The following NMT1 variants were observed in gnomAD, a reference collection of about 807,000 sequenced individuals.
The protein encoded by NMT1 is N-myristoyltransferase 1.
NMT1 carries 12 observed loss-of-function variants against 63.4 expected under a neutral mutation model. The ratio of observed to expected loss-of-function variants is 0.19; its 90% confidence interval spans 0.12 to 0.31. The LOEUF (loss-of-function observed/expected upper bound fraction) is 0.31, where lower values mean the gene tolerates loss of function less well. Ranked by LOEUF, NMT1 falls within the 10% of genes least tolerant of loss-of-function variation. The pLI, the probability that NMT1 is intolerant of heterozygous loss-of-function variation, is 1.00. For missense variants in NMT1, 432 were observed against 634.6 expected (o/e 0.68, Z 3.43); for synonymous variants, 228 against 234.3 (o/e 0.97, Z 0.25).
intron 1 of NMT1, among the ~76,000 whole-genome samples, chr17:45,078,947 C>G (rs949243192): frequency 1.3e-5 from 2 of 151,800 alleles, no homozygotes; most frequent in Non-Finnish European, 2.9e-5. Context: ...ACAGGCATGA[C>G]CCACCATGCT....
rs139928454 is a variant in NMT1, at chr17:45,103,914, G to C, written c.1332+38G>C. The C allele has an allele frequency of 6.2e-7, 1 of 1,610,294 alleles. No homozygotes were observed. Among genetic ancestry groups the C allele is most frequent in the East Asian group, 2.2e-5 (1 of 44,868 alleles). On this transcript the variant is annotated intron_variant, in intron 10 of 11. Transcript: ENST00000258960. The surrounding 1 kb of genome is among the most constrained non-coding windows in gnomAD (Gnocchi z 4.8). ...CGGGGGGGTCTCTGGAGATGTGCAG[G>C]GAAGAGGCAGTGGAGCCATGGTGAG...
chr17:45,093,802 T>C lies in NMT1; in HGVS notation c.503T>C (p.Val168Ala). The C allele has an allele frequency of 6.2e-7, 1 of 1,613,280 alleles. No homozygotes were observed. Among genetic ancestry groups the C allele is most frequent in the African/African-American group, 1.3e-5 (1 of 75,044 alleles). The stretch of plus-strand genomic sequence containing the variant: ...GCTTTGGACCTGGGCGATCGTGGTG[T>C]GGTGAGTGGGCCCTCAGAAGGTTAC... ...WDALDLGDRG[V>A]LKELYTLLNE... The change falls in exon 4 of 12, where the codon GTG becomes GCG. Residue 168 changes from valine (V) to alanine (A), a missense_variant and splice_region_variant. Physicochemically the swap from Val to Ala is moderately conservative, Grantham distance 64. Transcript: ENST00000258960.
chr17:45,069,317 A>T (rs1196943348), intron 1 of NMT1, among the ~76,000 whole-genome samples: 1 of 125,920 alleles, frequency 7.9e-6, no homozygotes, highest in Non-Finnish European at 1.8e-5. Flanking sequence ...TTTGAGACAG[A>T]GTCTCGCTCT....
intron 1 of NMT1, among the ~76,000 whole-genome samples, chr17:45,081,417 T>C (rs2054016464): frequency 6.6e-6 from 1 of 152,112 alleles, no homozygotes. Flanking sequence ...TTCACACAAA[T>C]AGGACATCCC....
rs904642686 is a variant in NMT1, at chr17:45,104,191, C to T, written c.1332+315C>T. On this transcript the variant is annotated intron_variant, in intron 10 of 11. Coordinates refer to ENST00000258960, the MANE Select transcript of NMT1 (RefSeq NM_021079.5). The surrounding 1 kb of genome is among the most constrained non-coding windows in gnomAD (Gnocchi z 4.2). ...ACAGGGCTTCTCCTCACAGCTTTCCCAGCGTGGGAAAGGGGTGATTGCTGT... is the reference window on the plus strand; with the variant it reads ...ACAGGGCTTCTCCTCACAGCTTTCCTAGCGTGGGAAAGGGGTGATTGCTGT... The T allele has an allele frequency of 2.4e-6, 3 of 1,266,064 alleles. No homozygotes were observed. Among genetic ancestry groups the T allele is most frequent in the Non-Finnish European group, 2.0e-6 (2 of 991,968 alleles). The allele number at this position is 1,266,064 out of a possible 1,614,324, so 78.4% of individuals were successfully genotyped here. A position where few individuals can be genotyped will look rare whatever the true frequency, so the allele number is the denominator to read the frequency against.
In NMT1 at chr17:45,105,869, C is replaced by CA. The variant is rs2054200018; in HGVS notation, c.*231dup. 1 of 531,058 alleles carries CA rather than the reference C, an allele frequency of 1.9e-6. No individual in the cohort carries two copies. Among genetic ancestry groups the CA allele is most frequent in the Non-Finnish European group, 3.3e-6 (1 of 303,940 alleles). 32.9% of individuals were successfully genotyped at this position (531,058 alleles called of 1,614,324 possible). A position where few individuals can be genotyped will look rare whatever the true frequency, so the allele number is the denominator to read the frequency against. ...GGTCTCCGTGTTTTCCAGTTAATTA[C>CA]ATCCTCATGCAGCCGTGATCAAGGG... On this transcript the variant is annotated 3_prime_UTR_variant, in exon 12 of 12. Transcript: ENST00000258960. The surrounding 1 kb of genome is among the most constrained non-coding windows in gnomAD (Gnocchi z 4.2).
At chr17:45,078,509 C>A (rs1167668764) in intron 1 of NMT1, among the ~76,000 whole-genome samples, 1 of 152,068 alleles carries the variant, frequency 6.6e-6, no homozygotes, top group Non-Finnish European at 1.5e-5. Flanking sequence ...TACACAGTAT[C>A]TGTCTGTGAG....
At chr17:45,071,856 C>T (rs1182773007) in intron 1 of NMT1, among the ~76,000 whole-genome samples, 1 of 152,182 alleles carries the variant, frequency 6.6e-6, no homozygotes, top group Non-Finnish European at 1.5e-5. Context: ...GCCTCAGCTT[C>T]CTCAGTAGCT....
chr17:45,099,595 G>T, intron 8 of NMT1, 82 bp downstream of exon 8: 1 of 969,566 alleles, frequency 1.0e-6, no homozygotes, highest in South Asian at 1.3e-5. Flanking sequence ...AAGGGCTCTG[G>T]GTGGAGAGGG....
At position 45,103,749 on chromosome 17, in the gene NMT1, C is replaced by T. The variant is rs773052955; in HGVS notation, c.1205C>T (p.Thr402Met). Reference protein sequence around the residue: ...GEVTDFLSFYTLPSTIMNHPT... With the variant: ...GEVTDFLSFYMLPSTIMNHPT... The stretch of plus-strand genomic sequence containing the variant: ...GTGACAGATTTCCTGAGCTTTTATA[C>T]GCTGCCCTCCACCATCATGAACCAT... The change falls in exon 10 of 12, where the codon ACG becomes ATG. Residue 402 changes from threonine to methionine, a missense_variant. This residue lies in a region of NMT1 where 295 missense variants were observed against 489.7 expected (regional missense o/e 0.60). Coordinates refer to ENST00000258960, the MANE Select transcript of NMT1 (RefSeq NM_021079.5). The surrounding 1 kb of genome is among the most constrained non-coding windows in gnomAD (Gnocchi z 4.8). 1.1e-5 allele frequency: 18 copies of T among 1,613,692 alleles called. No homozygotes were observed. Among genetic ancestry groups the T allele is most frequent in the Non-Finnish European group, 1.3e-5 (15 of 1,179,894 alleles).
At chr17:45,083,268 G>A (rs1179966629) in intron 2 of NMT1, among the ~76,000 whole-genome samples, 5 of 151,158 alleles carry the variant, frequency 3.3e-5, no homozygotes, top group Middle Eastern at 3.4e-3. Context: ...GCAGTGAGCC[G>A]AGATCACGCC....
intron 1 of NMT1, among the ~76,000 whole-genome samples, chr17:45,067,328 A>G (rs1030585183): frequency 6.6e-6 from 1 of 152,142 alleles, no homozygotes; most frequent in Non-Finnish European, 1.5e-5. Context: ...ATCTTTCGGA[A>G]TTTATTTTGC....
chr17:45,105,168 C>T lies in NMT1; in HGVS notation c.1470+172C>T, dbSNP rs1038586036. The stretch of plus-strand genomic sequence containing the variant: ...GCCAGACCAGCAGGTCAGCGTTCCC[C>T]TCTCAGCAACTGGTGTGAGGATGGC... On this transcript the variant is annotated intron_variant, in intron 11 of 11. Coordinates refer to ENST00000258960, the MANE Select transcript of NMT1 (RefSeq NM_021079.5). The surrounding 1 kb of genome is among the most constrained non-coding windows in gnomAD (Gnocchi z 4.2). 1.3e-5 allele frequency among the ~76,000 whole-genome samples: 2 copies of T among 152,206 alleles called. No homozygotes were observed. Among genetic ancestry groups the T allele is most frequent in the Non-Finnish European group, 2.9e-5 (2 of 68,044 alleles).
rs551792359 is a variant in NMT1, at chr17:45,105,791, C to A, written c.*152C>A. The stretch of plus-strand genomic sequence containing the variant: ...TTTACCAAACCGCCAGCGAACTTGA[C>A]AATTGTATTGCGATGGCGTGGGCTG... On this transcript the variant is annotated 3_prime_UTR_variant, in exon 12 of 12. Coordinates refer to ENST00000258960, the MANE Select transcript of NMT1 (RefSeq NM_021079.5). The surrounding 1 kb of genome is among the most constrained non-coding windows in gnomAD (Gnocchi z 4.2). 2.0e-4 allele frequency: 139 copies of A among 696,950 alleles called. No individual in the cohort carries two copies. The African/African-American group carries it at 2.3e-3, about 11-fold the overall frequency. The allele number at this position is 696,950 out of a possible 1,614,324, so 43.2% of individuals were successfully genotyped here.
chr17:45,078,503 C>G (rs1038098954), intron 1 of NMT1, among the ~76,000 whole-genome samples: 43 of 152,134 alleles, frequency 2.8e-4, no homozygotes, highest in Admixed American at 3.9e-4. Context: ...TATATATACA[C>G]AGTATCTGTC....
chr17:45,098,717 GGGC>G lies in NMT1; in HGVS notation c.884+168_884+170del, dbSNP rs1047621162. The G allele has an allele frequency of 8.2e-5, 51 of 624,982 alleles. No individual in the cohort carries two copies. The African/African-American group carries it at 9.2e-4, about 11-fold the overall frequency. The allele number at this position is 624,982 out of a possible 1,614,324, so 38.7% of individuals were successfully genotyped here. On this transcript the variant is annotated intron_variant, in intron 7 of 11. Transcript: ENST00000258960. The stretch of plus-strand genomic sequence containing the variant: ...AGGAGCCAGATGGGGAGCATGGAGA[GGGC>G]GGGAGGGTTGTAGGGATGGCAGATT...
intron 1 of NMT1, among the ~76,000 whole-genome samples, chr17:45,075,440 A>G (rs2053971260): frequency 6.6e-6 from 1 of 150,996 alleles, no homozygotes; most frequent in Non-Finnish European, 1.5e-5. Context: ...AGCCGAGATC[A>G]CACCACTGCA....
At chr17:45,079,800 C>T (rs548585266) in intron 1 of NMT1, among the ~76,000 whole-genome samples, 23 of 152,032 alleles carry the variant, frequency 1.5e-4, no homozygotes, top group Admixed American at 2.0e-4. Flanking sequence ...CCCAGGTTCA[C>T]GCCATTCTCC....
intron 1 of NMT1, 53 bp from the exon 2 acceptor site, chr17:45,081,591 G>GCA (rs2143480794): frequency 6.7e-7 from 1 of 1,491,842 alleles, no homozygotes; most frequent in South Asian, 1.2e-5. Context: ...GTCAGGGGTA[G>GCA]CACAAAACAG....
Sources: allele counts gnomAD v4.1 joint callset (sites outside exome capture counted in the v4.1 genomes callset), GRCh38; gene constraint gnomAD v4.1.1; regional missense constraint gnomAD v4.1.1; non-coding constraint Gnocchi (gnomAD v3.1); transcripts MANE v1.5; gene names NCBI Gene and HGNC (gene_info 2026-07-23, HGNC 2026-07-21).